Variants in PTPRN2 observed in about 807,000 individuals in gnomAD.
The protein encoded by PTPRN2 is receptor-type tyrosine-protein phosphatase N2.
A neutral mutation model predicts 118.8 loss-of-function variants in PTPRN2; 74 were observed. The ratio of observed to expected loss-of-function variants is 0.62; its 90% confidence interval spans 0.52 to 0.76. The LOEUF is 0.76. Ranked by LOEUF, PTPRN2 falls within the 30% of genes least tolerant of loss-of-function variation. The pLI, the probability that PTPRN2 is intolerant of heterozygous loss-of-function variation, is 0.00. For missense variants in PTPRN2, 1,481 were observed against 1,394.4 expected, an observed-to-expected ratio of 1.06 and a Z score of -0.99; for synonymous variants, 641 against 608.0, an observed-to-expected ratio of 1.05 and a Z score of -0.80.
In PTPRN2 at chr7:158,489,841, C is replaced by T. The variant is rs1821315134; in HGVS notation, c.113-56G>A. 3.4e-6 allele frequency: 5 copies of T among 1,490,704 alleles called. No homozygotes were observed. In the Admixed American group the frequency reaches 7.9e-5, roughly 24 times the overall value. 92.3% of individuals were successfully genotyped at this position (1,490,704 alleles called of 1,614,324 possible). On this transcript the variant is annotated intron_variant, in intron 1 of 22. Coordinates refer to ENST00000389418, the MANE Select transcript of PTPRN2 (RefSeq NM_002847.5). ...GCTGGAGGGGAGGAGGGGGGTGCCC[C>T]CGAGGCTGCCTTCCTGGCCCCCTGG...
intron 10 of PTPRN2, among the ~76,000 whole-genome samples, chr7:158,083,839 C>A (rs1321693112): frequency 6.6e-6 from 1 of 152,162 alleles, no homozygotes; most frequent in African/African-American, 2.4e-5. Context: ...TCTCAGGAAC[C>A]CTGTGGGAGG....
At chr7:158,419,990 T>C (rs138302128) in intron 2 of PTPRN2, among the ~76,000 whole-genome samples, 15 of 152,260 alleles carry the variant, frequency 9.9e-5, no homozygotes, top group African/African-American at 3.6e-4. Flanking sequence ...AGGCATCTGT[T>C]GAAACTCTGT....
chr7:157,774,597 C>T (rs901040402), intron 12 of PTPRN2, among the ~76,000 whole-genome samples: 15 of 152,280 alleles, frequency 9.9e-5, no homozygotes, highest in Admixed American at 1.3e-4. Flanking sequence ...AGACAGTGTG[C>T]GTGGAGGGTG....
At position 157,868,122 on chromosome 7, in the gene PTPRN2, G is replaced by A. The variant is rs991249548; in HGVS notation, c.1788+30551C>T. Among the ~76,000 whole-genome samples, 5 of 152,236 alleles carry A rather than the reference G, an allele frequency of 3.3e-5. No homozygotes were observed. The highest frequency in any genetic ancestry group is 1.2e-4 in the African/African-American group (5 of 41,458). ...TTAGAAAGGGCCCGAAACAGTTCAC[G>A]AGTGGGGTGTGGGCTGTGGGTCCAG... On this transcript the variant is annotated intron_variant, in intron 12 of 22. Transcript: ENST00000389418. The surrounding 1 kb of genome is among the most constrained non-coding windows in gnomAD (Gnocchi z 5.2).
intron 4 of PTPRN2, 27 bp from the exon 5 acceptor site, chr7:158,192,522 C>G: frequency 4.5e-6 from 7 of 1,563,118 alleles, no homozygotes; most frequent in Non-Finnish European, 6.0e-6. Flanking sequence ...AACCAGACAT[C>G]AACCGCATGT....
intron 2 of PTPRN2, among the ~76,000 whole-genome samples, chr7:158,417,001 C>T (rs1359984070): frequency 3.3e-5 from 5 of 151,930 alleles, no homozygotes; most frequent in Non-Finnish European, 5.9e-5. Flanking sequence ...GTGCCACACA[C>T]ACTACATCGA....
intron 1 of PTPRN2, among the ~76,000 whole-genome samples, chr7:158,577,782 A>G (rs1828419935): frequency 6.6e-6 from 1 of 152,264 alleles, no homozygotes; most frequent in Non-Finnish European, 1.5e-5. Context: ...GACAGGGCCC[A>G]TCCAGGGCCC....
At chr7:158,020,674 T>C (rs1806808441) in intron 11 of PTPRN2, among the ~76,000 whole-genome samples, 1 of 151,970 alleles carries the variant, frequency 6.6e-6, no homozygotes, top group Non-Finnish European at 1.5e-5. Flanking sequence ...CTGTCTCAGC[T>C]CCCAAAGCCC....
chr7:157,859,770 A>G (rs1437936302), intron 12 of PTPRN2, among the ~76,000 whole-genome samples: 1 of 106,768 alleles, frequency 9.4e-6, no homozygotes, highest in Non-Finnish European at 1.9e-5. Flanking sequence ...TCCTGCAGGG[A>G]GAGCCCCCCA....
chr7:158,184,490 G>A (rs564693375), intron 5 of PTPRN2, among the ~76,000 whole-genome samples: 1 of 152,240 alleles, frequency 6.6e-6, no homozygotes, highest in African/African-American at 2.4e-5. Flanking sequence ...TTTTCTGTAG[G>A]TTCCACCAAA....
intron 12 of PTPRN2, among the ~76,000 whole-genome samples, chr7:157,810,047 G>A (rs1805889825): frequency 6.6e-6 from 1 of 152,226 alleles, no homozygotes; most frequent in South Asian, 2.1e-4. Flanking sequence ...CAACTCACGA[G>A]GGCTCGGCAG....
intron 11 of PTPRN2, among the ~76,000 whole-genome samples, chr7:158,052,140 T>C (rs1171475844): frequency 6.6e-6 from 1 of 152,188 alleles, no homozygotes; most frequent in Admixed American, 6.5e-5. Context: ...TTCAAAGAGA[T>C]TATATTATCT....
intron 11 of PTPRN2, among the ~76,000 whole-genome samples, chr7:157,908,183 T>G (rs1220031072): frequency 6.6e-6 from 1 of 152,156 alleles, no homozygotes; most frequent in Non-Finnish European, 1.5e-5. Context: ...CCAACTGCGC[T>G]GCCTGGCTCT....
intron 21 of PTPRN2, among the ~76,000 whole-genome samples, chr7:157,556,108 T>C (rs1798863190): frequency 6.6e-6 from 1 of 152,186 alleles, no homozygotes; most frequent in African/African-American, 2.4e-5. Context: ...GTAACTGTGG[T>C]TGGGGATGCT....
chr7:158,274,057 C>T (rs1467787600), intron 3 of PTPRN2, among the ~76,000 whole-genome samples: 8 of 140,936 alleles, frequency 5.7e-5, no homozygotes, highest in South Asian at 2.2e-4. Context: ...CACGAGGAGC[C>T]GCAGGCACAG....
intron 6 of PTPRN2, among the ~76,000 whole-genome samples, chr7:158,159,989 G>A (rs542361686): frequency 6.6e-6 from 1 of 152,240 alleles, no homozygotes; most frequent in South Asian, 2.1e-4. Context: ...AATCCCAAAA[G>A]TCTAGTGTTG....
At chr7:157,952,719 C>T (rs1234376743) in intron 11 of PTPRN2, among the ~76,000 whole-genome samples, 2 of 152,098 alleles carry the variant, frequency 1.3e-5, no homozygotes, top group African/African-American at 4.8e-5. Flanking sequence ...TCTTGGTTCC[C>T]TCAGACTTGG....
intron 13 of PTPRN2, among the ~76,000 whole-genome samples, chr7:157,678,247 T>C (rs1457903855): frequency 6.6e-6 from 1 of 152,208 alleles, no homozygotes; most frequent in Non-Finnish European, 1.5e-5. Context: ...AATTTAAATA[T>C]ATAGTGAGGA....
rs1194519974 is a variant in PTPRN2 at position 157,629,849 on chromosome 7, A to C, written c.2197-8340T>G. 6.6e-6 allele frequency among the ~76,000 whole-genome samples: 1 copy of C among 152,238 alleles called. No homozygotes were observed. Among genetic ancestry groups the C allele is most frequent in the Admixed American group, 6.5e-5 (1 of 15,290 alleles). On this transcript the variant is annotated intron_variant, in intron 14 of 22. Coordinates refer to ENST00000389418, the MANE Select transcript of PTPRN2 (RefSeq NM_002847.5). This position sits in a 1 kb window ranked among gnomAD's most constrained non-coding sequence, Gnocchi z 4.4. ...ATCAAACCTTTTGTTAAAACGAATAATAGAATCCCTTTACATTTTCCTTCT... is the reference window on the plus strand; with the variant it reads ...ATCAAACCTTTTGTTAAAACGAATACTAGAATCCCTTTACATTTTCCTTCT...
Sources: gnomAD v4.1 joint callset for allele counts (sites outside exome capture counted in the v4.1 genomes callset) on GRCh38, gnomAD v4.1.1 for gene constraint, Gnocchi (gnomAD v3.1) non-coding constraint, MANE v1.5 for transcripts, NCBI Gene and HGNC (gene_info 2026-07-23, HGNC 2026-07-21) for gene names.